MYT1L: variants seen among roughly 807,000 people sequenced by gnomAD.
MYT1L encodes myelin transcription factor 1 like.
MYT1L carries 12 observed loss-of-function variants against 126.7 expected under a neutral mutation model. The observed-to-expected ratio is 0.09, with a 90% CI of 0.06 to 0.15. MYT1L has a LOEUF of 0.15. MYT1L is among the 10% of genes least tolerant of loss of function. The pLI, the probability that MYT1L is intolerant of heterozygous loss-of-function variation, is 1.00. For missense variants in MYT1L, 979 were observed against 1,585.2 expected, an observed-to-expected ratio of 0.62 and a Z score of 6.49; for synonymous variants, 541 against 604.2, an observed-to-expected ratio of 0.90 and a Z score of 1.53.
At chr2:2,153,921 T>C (rs1177848708) in intron 3 of MYT1L, among the ~76,000 whole-genome samples, 4 of 151,954 alleles carry the variant, frequency 2.6e-5, no homozygotes, top group Non-Finnish European at 4.4e-5. Context: ...CTGAGAAGTG[T>C]GCTGATGAGG....
intron 8 of MYT1L, among the ~76,000 whole-genome samples, chr2:1,952,576 TTCCCAAGTGTGCC>T (rs1440094444): frequency 6.6e-6 from 1 of 151,710 alleles, no homozygotes. Context: ...CAGTTCCCAA[TTCCCAAGTGTGCC>T]TCTGTTCCTT....
chr2:2,042,675 A>G (rs770999206), intron 4 of MYT1L, among the ~76,000 whole-genome samples: 2 of 152,088 alleles, frequency 1.3e-5, no homozygotes, highest in Non-Finnish European at 2.9e-5. Flanking sequence ...CCCTGCACCA[A>G]TGGTCCCGGC....
chr2:1,952,756 TC>T (rs2057918679), intron 8 of MYT1L, among the ~76,000 whole-genome samples: 1 of 466 alleles, frequency 2.1e-3, no homozygotes, highest in African/African-American at 8.2e-3. Flanking sequence ...TTCCCTCCCT[TC>T]CCTCCTTCCC....
chr2:2,280,777 TCCAGAGCTCTGTGATTTAAA>T, intron 2 of MYT1L, among the ~76,000 whole-genome samples: 1 of 152,274 alleles, frequency 6.6e-6, no homozygotes, highest in African/African-American at 2.4e-5. Context: ...CTGAGAGGCA[TCCAGAGCTCTGTGATTTAAA>T]ACCCAGAACA....
intron 4 of MYT1L, among the ~76,000 whole-genome samples, chr2:2,047,090 GAAGT>G (rs1293996739): frequency 2.6e-5 from 4 of 152,244 alleles, no homozygotes; most frequent in Non-Finnish European, 5.9e-5. Context: ...ATATTTTAAT[GAAGT>G]AATTTCTTAT....
intron 2 of MYT1L, among the ~76,000 whole-genome samples, chr2:2,217,864 CTT>C (rs886422887): frequency 1.3e-5 from 2 of 152,082 alleles, no homozygotes; most frequent in African/African-American, 4.8e-5. Flanking sequence ...GCTCTCGAAA[CTT>C]AATGATAACA....
chr2:2,125,719 G>A (rs1289486556), intron 3 of MYT1L, among the ~76,000 whole-genome samples: 2 of 152,070 alleles, frequency 1.3e-5, no homozygotes, highest in Non-Finnish European at 2.9e-5. Context: ...TTCTTTTATG[G>A]TACCCTTTTG....
intron 3 of MYT1L, among the ~76,000 whole-genome samples, chr2:2,172,112 A>G (rs576070914): frequency 5.1e-4 from 77 of 152,320 alleles, no homozygotes; most frequent in Non-Finnish European, 8.2e-4. Flanking sequence ...ACGACTTTAC[A>G]GGATCTGAGA....
rs549292145 is a variant in MYT1L at position 2,030,433 on chromosome 2, C to T, written c.-158+23545G>A. ...TTAGATTCCTGTTTTGTCTCTAAAG[C>T]ATCTGATTCTTAACTATCATTCATT... On this transcript the variant is annotated intron_variant, in intron 4 of 24. Transcript: ENST00000647738. Among the ~76,000 whole-genome samples the T allele has an allele frequency of 2.6e-5, 4 of 152,260 alleles. No individual in the cohort carries two copies. The East Asian group carries it at 5.8e-4, about 22-fold the overall frequency.
intron 2 of MYT1L, among the ~76,000 whole-genome samples, chr2:2,264,791 C>G (rs148702273): frequency 1.5e-4 from 23 of 152,276 alleles, no homozygotes; most frequent in Middle Eastern, 6.8e-3. Flanking sequence ...ATTCAGCACT[C>G]CTCTAGGAGA....
At chr2:1,858,814 G>A (rs1219096113) in intron 18 of MYT1L, among the ~76,000 whole-genome samples, 1 of 152,232 alleles carries the variant, frequency 6.6e-6, no homozygotes, top group Non-Finnish European at 1.5e-5. Context: ...AGCAGTGCAA[G>A]ATCCCGCATG....
intron 3 of MYT1L, among the ~76,000 whole-genome samples, chr2:2,136,493 T>C (rs2083074955): frequency 6.6e-6 from 1 of 152,134 alleles, no homozygotes; most frequent in Non-Finnish European, 1.5e-5. Context: ...TGAGAGATTA[T>C]TTCTCTCCCT....
rs890170155 is a variant in MYT1L at position 1,793,058 on chromosome 2, C to T, written c.3277-594G>A. Among the ~76,000 whole-genome samples the T allele has an allele frequency of 5.3e-5, 8 of 152,030 alleles. No individual in the cohort carries two copies. Among genetic ancestry groups the T allele is most frequent in the Non-Finnish European group, 7.4e-5 (5 of 68,026 alleles). Reference sequence around the variant, plus strand: ...GTGTGTAGGGGGCTTGATGCGAATACTTCTCCTTTCTAGCCTGAATAAAAT... The same window carrying T: ...GTGTGTAGGGGGCTTGATGCGAATATTTCTCCTTTCTAGCCTGAATAAAAT... On this transcript the variant is annotated intron_variant, in intron 23 of 24. Transcript: ENST00000647738. This position sits in a 1 kb window ranked among gnomAD's most constrained non-coding sequence, Gnocchi z 4.6.
intron 2 of MYT1L, among the ~76,000 whole-genome samples, chr2:2,253,835 C>T (rs2094729035): frequency 6.6e-6 from 1 of 151,102 alleles, no homozygotes; most frequent in Admixed American, 6.6e-5. Context: ...CGGAATTTCC[C>T]GGAAACAATC....
At chr2:1,969,921 G>A (rs970253712) in intron 8 of MYT1L, among the ~76,000 whole-genome samples, 1 of 152,222 alleles carries the variant, frequency 6.6e-6, no homozygotes, top group Non-Finnish European at 1.5e-5. Flanking sequence ...GTTCAGGCCA[G>A]TTTGAGGTGG....
At chr2:1,904,386 G>T (rs988165092) in intron 13 of MYT1L, among the ~76,000 whole-genome samples, 2 of 152,052 alleles carry the variant, frequency 1.3e-5, no homozygotes, top group Admixed American at 6.5e-5. Context: ...TGTTGTTGTT[G>T]TGATGGAGTC....
chr2:1,831,479 C>T (rs868816960), intron 21 of MYT1L, among the ~76,000 whole-genome samples: 4 of 152,236 alleles, frequency 2.6e-5, no homozygotes, highest in African/African-American at 4.8e-5. Flanking sequence ...CCTCCCCTCT[C>T]GTCTGGTCTG....
At chr2:1,973,353 G>T (rs1323416883) in intron 8 of MYT1L, among the ~76,000 whole-genome samples, 1 of 152,080 alleles carries the variant, frequency 6.6e-6, no homozygotes, top group Non-Finnish European at 1.5e-5. Flanking sequence ...TAGGAAAAAG[G>T]ATTTCAGAAC....
At chr2:2,149,947 A>G (rs2085474110) in intron 3 of MYT1L, among the ~76,000 whole-genome samples, 1 of 152,154 alleles carries the variant, frequency 6.6e-6, no homozygotes, top group African/African-American at 2.4e-5. Context: ...TCCACTCTCC[A>G]TGCCCTGACC....
Sources: allele counts gnomAD v4.1 joint callset (sites outside exome capture counted in the v4.1 genomes callset), GRCh38; gene constraint gnomAD v4.1.1; non-coding constraint Gnocchi (gnomAD v3.1); transcripts MANE v1.5; gene names NCBI Gene and HGNC (gene_info 2026-07-23, HGNC 2026-07-21).